NUP155: variants seen among roughly 807,000 people sequenced by gnomAD.
NUP155 encodes the protein nucleoporin 155, also known as nuclear pore complex protein Nup155.
A neutral mutation model predicts 180.4 loss-of-function variants in NUP155; 71 were observed. The ratio of observed to expected loss-of-function variants is 0.39; its 90% CI spans 0.33 to 0.48. The LOEUF (loss-of-function observed/expected upper bound fraction) is 0.48. NUP155 is among the 20% of genes least tolerant of loss of function. The pLI is 0.91. For missense variants in NUP155, 1,553 were observed against 1,648.9 expected (o/e 0.94, Z 1.01); for synonymous variants, 582 against 559.5 (o/e 1.04, Z -0.57).
chr5:37,341,045 A>G, intron 11 of NUP155, 45 bp downstream of exon 11: 1 of 1,448,806 alleles, frequency 6.9e-7, no homozygotes, highest in Non-Finnish European at 9.6e-7. Flanking sequence ...AATTTTAACA[A>G]TTTTAAGAAT....
chr5:37,349,342 C>T (rs1746314878), intron 7 of NUP155, 97 bp from the exon 8 acceptor site: 1 of 422,968 alleles, frequency 2.4e-6, no homozygotes, highest in Admixed American at 4.1e-5. Flanking sequence ...TGAATCAGAA[C>T]TTTGTATTCA....
chr5:37,304,913 C>T, intron 26 of NUP155, 70 bp from the exon 27 acceptor site: 1 of 1,502,296 alleles, frequency 6.7e-7, no homozygotes, highest in Non-Finnish European at 9.3e-7. Context: ...CCCTTTAGCC[C>T]TATAAACTCC....
chr5:37,314,034 T>TC (rs1561777240), intron 22 of NUP155, among the ~76,000 whole-genome samples, 164 bp downstream of exon 22: 1 of 152,062 alleles, frequency 6.6e-6, no homozygotes, highest in Non-Finnish European at 1.5e-5. Flanking sequence ...AAAAAATAGG[T>TC]CCCCCAAGTT....
At chr5:37,350,342 T>C (rs545147093) in intron 6 of NUP155, 77 bp from the exon 7 acceptor site, 366 of 927,960 alleles carry the variant, frequency 3.9e-4, no homozygotes, top group Non-Finnish European at 6.1e-4. Context: ...TCCATATTTA[T>C]AAAAACCTTC....
At chr5:37,327,804 T>C in intron 17 of NUP155, 28 bp from the exon 18 acceptor site, 1 of 1,607,834 alleles carries the variant, frequency 6.2e-7, no homozygotes, top group African/African-American at 1.3e-5. Flanking sequence ...AAAACAAATC[T>C]CTTAATCTTA....
In NUP155 at chr5:37,301,496, G is replaced by A; in HGVS notation, c.3502C>T (p.His1168Tyr). 3.1e-6 allele frequency: 5 copies of A among 1,613,922 alleles called. No individual in the cohort carries two copies. Among genetic ancestry groups the A allele is most frequent in the Non-Finnish European group, 4.2e-6 (5 of 1,179,838 alleles). Residue 1168 changes from histidine (H) to tyrosine (Y), a missense_variant, in exon 30 of 35, where the codon CAT (histidine) becomes TAT (tyrosine). Transcript: ENST00000231498. ...GAAACTGCATCCTGTACAGAAGAAT[G>A]ATGGGAATACTGCCTTTGTAGTGTC... Reference protein sequence around the residue: ...QETLQRQYSHHSSVQDAVSQL... With the variant: ...QETLQRQYSHYSSVQDAVSQL...
chr5:37,296,169 G>A (rs1223833030), intron 32 of NUP155, among the ~76,000 whole-genome samples: 2 of 152,220 alleles, frequency 1.3e-5, no homozygotes. Context: ...ACCCCATCTG[G>A]GAGGTGTGCC....
Position 37,327,618 on chromosome 5 carries a change from G to A in NUP155, c.2024+11C>T. ...GGTGAGCAATAATTCATTATTTCAT[G>A]ACAAACTTACCCCATGATCCGAGAA... On this transcript the variant is annotated intron_variant, in intron 18 of 34. Coordinates refer to ENST00000231498, the MANE Select transcript of NUP155 (RefSeq NM_153485.3). The A allele has an allele frequency of 6.2e-7, 1 of 1,613,844 alleles. No individual in the cohort carries two copies.
rs1561818758 is a variant in NUP155, at chr5:37,365,738, A to AAAAAAAATAT, written c.158-1355_158-1354insATATTTTTTT. Reference sequence around the variant, plus strand: ...GAAAAAAAAAAAAAAAAAAAAAAAAAATATATATATATATACACACACACA... The same window carrying AAAAAAAATAT: ...GAAAAAAAAAAAAAAAAAAAAAAAAAAAAAAAATATATATATATATATATACACACACACA... On this transcript the variant is annotated intron_variant, in intron 1 of 34. Transcript: ENST00000231498. 5.4e-4 allele frequency among the ~76,000 whole-genome samples: 20 copies of AAAAAAAATAT among 37,144 alleles called. 1 individual carries two copies. Among genetic ancestry groups the AAAAAAAATAT allele is most frequent in the Non-Finnish European group, 6.4e-4 (14 of 21,834 alleles). 24.4% of individuals were successfully genotyped at this position (37,144 alleles called of 152,430 possible).
At chr5:37,310,171 C>A (rs1743435230) in intron 23 of NUP155, among the ~76,000 whole-genome samples, 2 of 151,928 alleles carry the variant, frequency 1.3e-5, no homozygotes, top group African/African-American at 2.4e-5. Flanking sequence ...GAACTTGTCT[C>A]TATAAAAAAC....
At chr5:37,364,479 GT>G (rs1459321838) in intron 1 of NUP155, 95 bp from the exon 2 acceptor site, 2 of 1,024,160 alleles carry the variant, frequency 2.0e-6, no homozygotes. Context: ...TTGTGTGTTG[GT>G]TCCAAAGGTA....
At chr5:37,298,008 C>A (rs1742679471) in intron 32 of NUP155, among the ~76,000 whole-genome samples, 1 of 150,800 alleles carries the variant, frequency 6.6e-6, no homozygotes, top group African/African-American at 2.4e-5. Context: ...GAGGCCAAGG[C>A]AAGCGGATCA....
rs1472628992 is a variant in NUP155 at position 37,288,789 on chromosome 5, CG to C, written c.*3110del. 1 of 106,648 alleles carries C rather than the reference CG, an allele frequency of 9.4e-6. No individual in the cohort carries two copies. The highest frequency in any genetic ancestry group is 2.0e-5 in the Non-Finnish European group (1 of 51,016). 6.6% of individuals were successfully genotyped at this position (106,648 alleles called of 1,614,324 possible). On this transcript the variant is annotated 3_prime_UTR_variant, in exon 35 of 35. Coordinates refer to ENST00000231498, the MANE Select transcript of NUP155 (RefSeq NM_153485.3). ...AAAAAGTAGGGGGGGTGGGGCTAGGCGCAGTGGCTCATGCCTGTAATCCCAG... is the reference window on the plus strand; with the variant it reads ...AAAAAGTAGGGGGGGTGGGGCTAGGCCAGTGGCTCATGCCTGTAATCCCAG...
chr5:37,335,523 C>T (rs1322592728), intron 12 of NUP155, among the ~76,000 whole-genome samples: 2 of 152,116 alleles, frequency 1.3e-5, no homozygotes, highest in African/African-American at 4.8e-5. Context: ...GCCATATCTG[C>T]ATTCTCTCTC....
chr5:37,308,313 G>A (rs1743296476), intron 24 of NUP155, among the ~76,000 whole-genome samples: 2 of 152,166 alleles, frequency 1.3e-5, no homozygotes, highest in African/African-American at 4.8e-5. Flanking sequence ...AGCACTTTGA[G>A]AGGCTGAGAT....
rs1231198095 is a variant in NUP155, at chr5:37,288,652, C to T, written c.*3248G>A. ...TGGTGGCTCATGCCTATAATCCCAG[C>T]ACTTTGGGAGACTGAGGCAGGGGAA... On this transcript the variant is annotated 3_prime_UTR_variant, in exon 35 of 35. Transcript: ENST00000231498. 6.7e-6 allele frequency: 1 copy of T among 150,242 alleles called. No homozygotes were observed. The allele number at this position is 150,242 out of a possible 1,614,324, so 9.3% of individuals were successfully genotyped here. A position where few individuals can be genotyped will look rare whatever the true frequency, so the allele number is the denominator to read the frequency against.
At position 37,315,853 on chromosome 5, in the gene NUP155, T is replaced by C. The variant is rs539996176; in HGVS notation, c.2306-1525A>G. ...AGCTACTCGGGAGGCTGAGGCAGAA[T>C]TGCTTGAACCTGGGAGGTGGAGGCT... On this transcript the variant is annotated intron_variant, in intron 21 of 34. Coordinates refer to ENST00000231498, the MANE Select transcript of NUP155 (RefSeq NM_153485.3). Among the ~76,000 whole-genome samples, 37 of 152,160 alleles carry C rather than the reference T, an allele frequency of 2.4e-4. No homozygotes were observed. The South Asian group carries it at 7.1e-3, about 29-fold the overall frequency.
chr5:37,294,569 A>T (rs755529438), intron 32 of NUP155, 104 bp from the exon 33 acceptor site: 3 of 1,190,536 alleles, frequency 2.5e-6, no homozygotes, highest in Admixed American at 2.0e-5. Flanking sequence ...ATCTTCTGAA[A>T]TCCAATTGCA....
chr5:37,340,041 G>A (rs1165006366), intron 11 of NUP155, among the ~76,000 whole-genome samples: 3 of 152,154 alleles, frequency 2.0e-5, no homozygotes, highest in Non-Finnish European at 2.9e-5. Flanking sequence ...TTACAGGCGT[G>A]AGCCACTGCA....
Sources: gnomAD v4.1 joint callset for allele counts (sites outside exome capture counted in the v4.1 genomes callset) on GRCh38, gnomAD v4.1.1 for gene constraint, MANE v1.5 for transcripts, NCBI Gene and HGNC (gene_info 2026-07-23, HGNC 2026-07-21) for gene names.